The following MBD5 variants were observed in gnomAD, a reference collection of about 807,000 sequenced individuals.
The protein encoded by MBD5 is methyl-CpG-binding domain protein 5.
In MBD5, 13 loss-of-function variants were observed where a neutral mutation model predicts 117.3. The ratio of observed to expected loss-of-function variants is 0.11; its 90% confidence interval spans 0.07 to 0.18. The LOEUF (loss-of-function observed/expected upper bound fraction) is 0.18, where lower values mean the gene tolerates loss of function less well. Ranked by LOEUF, MBD5 falls within the 10% of genes least tolerant of loss-of-function variation. The pLI is 1.00. For synonymous variants in MBD5, 727 were observed against 766.4 expected, an observed-to-expected ratio of 0.95 and a Z score of 0.85; for missense variants, 1,879 against 2,093.8, an observed-to-expected ratio of 0.90 and a Z score of 2.00.
At chr2:148,214,686 A>G (rs928481908) in intron 2 of MBD5, among the ~76,000 whole-genome samples, 5 of 152,206 alleles carry the variant, frequency 3.3e-5, no homozygotes, top group African/African-American at 9.7e-5. Flanking sequence ...TCACAAGTAG[A>G]TTATGGAAGT....
intron 3 of MBD5, among the ~76,000 whole-genome samples, chr2:148,331,523 TTGAG>T (rs1432504288): frequency 1.3e-5 from 2 of 152,198 alleles, no homozygotes; most frequent in African/African-American, 2.4e-5. Flanking sequence ...TATTTAGATA[TTGAG>T]TATTTCCCAT....
At chr2:148,142,777 A>T (rs957492343) in intron 1 of MBD5, among the ~76,000 whole-genome samples, 4 of 152,214 alleles carry the variant, frequency 2.6e-5, no homozygotes, top group African/African-American at 9.7e-5. Context: ...AAGGAAATTG[A>T]TATGTTTGAA....
intron 2 of MBD5, among the ~76,000 whole-genome samples, chr2:148,191,776 A>G (rs1698835991): frequency 9.6e-6 from 1 of 104,356 alleles, no homozygotes; most frequent in Non-Finnish European, 1.9e-5. Context: ...ACTGAAGGAA[A>G]TAGAGACACA....
rs1451774272 is a variant in MBD5, at chr2:148,489,684, C to T, written c.4052C>T (p.Pro1351Leu). 1.9e-6 allele frequency: 3 copies of T among 1,614,030 alleles called. No individual in the cohort carries two copies. Among genetic ancestry groups the T allele is most frequent in the Non-Finnish European group, 2.5e-6 (3 of 1,180,032 alleles). ...VNSTTQISPIPALSAMSAFTA... is the reference protein window; with the variant it reads ...VNSTTQISPILALSAMSAFTA... ...AGTACAACTCAGATCAGCCCCATTC[C>T]AGCTCTGAGTGCCATGAGTGCCTTC... The change falls in exon 11 of 14, where the codon CCA (proline) becomes CTA (leucine). Residue 1351 changes from proline (P) to leucine (L), a missense_variant. This residue lies in a region of MBD5 where 1,666 missense variants were observed against 1,792.2 expected (regional missense o/e 0.93). Transcript: ENST00000642680.
At chr2:148,268,552 T>C (rs1386685099) in intron 3 of MBD5, among the ~76,000 whole-genome samples, 2 of 151,934 alleles carry the variant, frequency 1.3e-5, no homozygotes, top group African/African-American at 4.8e-5. Flanking sequence ...TAGTAGTTAA[T>C]GGTAATTCTA....
intron 4 of MBD5, among the ~76,000 whole-genome samples, chr2:148,427,628 G>A (rs1404903281): frequency 1.1e-4 from 16 of 152,052 alleles, no homozygotes; most frequent in East Asian, 3.9e-4. Flanking sequence ...ATCACACACC[G>A]GGGCCTGTTG....
chr2:148,041,067 T>A (rs1461256058), intron 1 of MBD5: 1 of 152,278 alleles, frequency 6.6e-6, no homozygotes, highest in Non-Finnish European at 1.5e-5. Context: ...GCTTAAGTGA[T>A]CCTCTAACCT....
At chr2:148,147,143 C>T (rs1330179358) in intron 1 of MBD5, among the ~76,000 whole-genome samples, 3 of 151,944 alleles carry the variant, frequency 2.0e-5, no homozygotes, top group Admixed American at 6.5e-5. Flanking sequence ...CAGTTTCAGT[C>T]GGCTGCTATT....
chr2:148,110,053 A>G (rs1696471124), intron 1 of MBD5, among the ~76,000 whole-genome samples: 1 of 152,212 alleles, frequency 6.6e-6, no homozygotes, highest in African/African-American at 2.4e-5. Flanking sequence ...GTTGTCATTT[A>G]CTATGAATAG....
intron 4 of MBD5, among the ~76,000 whole-genome samples, chr2:148,441,779 C>T (rs1364558488): frequency 1.3e-5 from 2 of 151,908 alleles, no homozygotes; most frequent in Non-Finnish European, 2.9e-5. Flanking sequence ...TGTTTCCTGA[C>T]TTTTTAATGA....
chr2:148,469,875 A>G lies in MBD5; in HGVS notation c.1932A>G (p.Leu644=). 6.2e-7 allele frequency: 1 copy of G among 1,613,984 alleles called. No homozygotes were observed. Among genetic ancestry groups the G allele is most frequent in the Non-Finnish European group, 8.5e-7 (1 of 1,179,914 alleles). The part of the protein sequence containing the change: ...TGEGQSGRAA[L]RDKLMSQQKD... ...AAGGGCAAAGTGGTCGAGCAGCACT[A>G]AGAGATAAGCTGATGTCTCAGCAAA... is the stretch of plus-strand genomic sequence containing the variant. Residue 644 remains leucine (L), a synonymous_variant, in exon 8 of 14, where the codon CTA becomes CTG. Coordinates refer to ENST00000642680, the MANE Select transcript of MBD5 (RefSeq NM_001378120.1).
chr2:148,157,037 C>T (rs1451820939), intron 1 of MBD5, among the ~76,000 whole-genome samples: 1 of 152,150 alleles, frequency 6.6e-6, no homozygotes, highest in Non-Finnish European at 1.5e-5. Context: ...TCTTTACTTT[C>T]AGTCACATAG....
At chr2:148,283,403 G>C (rs1194452960) in intron 3 of MBD5, among the ~76,000 whole-genome samples, 1 of 152,032 alleles carries the variant, frequency 6.6e-6, no homozygotes, top group Non-Finnish European at 1.5e-5. Context: ...TCTGGTATTT[G>C]TATTTGACAG....
chr2:148,085,224 C>G (rs145849935), intron 1 of MBD5, among the ~76,000 whole-genome samples: 44 of 152,188 alleles, frequency 2.9e-4, no homozygotes, highest in Middle Eastern at 3.4e-3. Context: ...AGCAAGGTTC[C>G]CCACATCACT....
chr2:148,075,733 T>C (rs1391518405), intron 1 of MBD5, among the ~76,000 whole-genome samples: 2 of 152,048 alleles, frequency 1.3e-5, no homozygotes, highest in African/African-American at 4.8e-5. Flanking sequence ...TCTGAATCTA[T>C]AGGCGTCTCA....
chr2:148,512,789 T>A, intron 13 of MBD5, 81 bp from the exon 14 acceptor site: 1 of 1,281,130 alleles, frequency 7.8e-7, no homozygotes, highest in South Asian at 1.2e-5. Flanking sequence ...TTCCCTACCC[T>A]GCTCCTTTGT....
chr2:148,490,612 C>T lies in MBD5; in HGVS notation c.4962+18C>T. 1 of 1,613,754 alleles carries T rather than the reference C, an allele frequency of 6.2e-7. No homozygotes were observed. Among genetic ancestry groups the T allele is most frequent in the Non-Finnish European group, 8.5e-7 (1 of 1,179,822 alleles). On this transcript the variant is annotated intron_variant, in intron 11 of 13. Coordinates refer to ENST00000642680, the MANE Select transcript of MBD5 (RefSeq NM_001378120.1). ...AAGGGAAGGTATACCAATCTTTATC[C>T]ATTGTCAAATACTAACCTTTGTTCA...
At chr2:148,236,808 G>A (rs574930383) in intron 3 of MBD5, among the ~76,000 whole-genome samples, 14 of 152,222 alleles carry the variant, frequency 9.2e-5, no homozygotes, top group African/African-American at 3.1e-4. Flanking sequence ...TTCTAGTTAC[G>A]AAAATCCCAG....
Position 148,458,214 on chromosome 2 carries a change from G to A in MBD5, c.-545G>A, listed in dbSNP as rs1021242628. The A allele has an allele frequency of 5.0e-6, 2 of 401,652 alleles. No individual in the cohort carries two copies. Among genetic ancestry groups the A allele is most frequent in the African/African-American group, 2.1e-5 (1 of 48,520 alleles). The allele number at this position is 401,652 out of a possible 1,614,324, so 24.9% of individuals were successfully genotyped here. ...TACATATGTTTCAGGCTACATTATT[G>A]GAATTTTGAAGTCATGAAAACATCA... On this transcript the variant is annotated 5_prime_UTR_variant, in exon 5 of 14. The change creates a premature stop within an existing upstream ORF in the 5' untranslated region. Coordinates refer to ENST00000642680, the MANE Select transcript of MBD5 (RefSeq NM_001378120.1).
Sources: gnomAD v4.1 joint callset for allele counts (sites outside exome capture counted in the v4.1 genomes callset) on GRCh38, gnomAD v4.1.1 for gene constraint, gnomAD v4.1.1 regional missense constraint, MANE v1.5 for transcripts, NCBI Gene and HGNC (gene_info 2026-07-23, HGNC 2026-07-21) for gene names.